PBX1: variants seen among roughly 807,000 people sequenced by gnomAD.
PBX1 encodes the protein pre-B-cell leukemia transcription factor 1.
Under a neutral mutation model 53.4 loss-of-function variants are expected in PBX1, and 6 were observed. The observed-to-expected ratio is 0.11, with a 90% CI of 0.06 to 0.22. PBX1 has a LOEUF of 0.22. Ranked by LOEUF, PBX1 falls within the 10% of genes least tolerant of loss-of-function variation. The probability of loss-of-function intolerance (pLI) is 1.00; values close to 1 mark genes in which losing one functional copy is unlikely to be tolerated. For synonymous variants in PBX1, 204 were observed against 212.3 expected (o/e 0.96, Z 0.34); for missense variants, 251 against 551.4 (o/e 0.46, Z 5.46).
chr1:164,825,506 C>T (rs1670412192), intron 8 of PBX1, among the ~76,000 whole-genome samples: 1 of 152,160 alleles, frequency 6.6e-6, no homozygotes, highest in Non-Finnish European at 1.5e-5. Context: ...CCAATAGCCA[C>T]ATCTAGTGTA....
Position 164,708,221 on chromosome 1 carries a change from G to A in PBX1, c.266-84273G>A, listed in dbSNP as rs560791572. Among the ~76,000 whole-genome samples the A allele has an allele frequency of 1.2e-3, 181 of 152,240 alleles. 1 individual carries two copies. The highest frequency in any genetic ancestry group is 1.9e-3 in the Non-Finnish European group (126 of 68,022). Reference sequence around the variant, plus strand: ...AGGAACCAGAGTTCCTGGACTGCACGCAGCCTTTTCTTTGGTAAGAGAGGT... The same window carrying A: ...AGGAACCAGAGTTCCTGGACTGCACACAGCCTTTTCTTTGGTAAGAGAGGT... On this transcript the variant is annotated intron_variant, in intron 2 of 8. Coordinates refer to ENST00000420696, the MANE Select transcript of PBX1 (RefSeq NM_002585.4).
chr1:164,830,880 T>G (rs1670721570), intron 8 of PBX1, among the ~76,000 whole-genome samples: 1 of 152,140 alleles, frequency 6.6e-6, no homozygotes, highest in Non-Finnish European at 1.5e-5. Flanking sequence ...ACCTATTAAA[T>G]CAGATGCTAC....
intron 2 of PBX1, among the ~76,000 whole-genome samples, chr1:164,881,047 T>C (rs77317741): frequency 0.015 from 2,257 of 152,296 alleles, 62 homozygotes; most frequent in African/African-American, 0.051. Context: ...CCCAGTGCTC[T>C]CTGGCTCTGG....
chr1:164,749,230 A>G (rs1666065460), intron 2 of PBX1, among the ~76,000 whole-genome samples: 1 of 152,230 alleles, frequency 6.6e-6, no homozygotes, highest in Admixed American at 6.5e-5. Context: ...CATATATAAT[A>G]TATTAGCTAG....
At chr1:164,778,904 C>A (rs1302197195) in intron 2 of PBX1, among the ~76,000 whole-genome samples, 1 of 152,024 alleles carries the variant, frequency 6.6e-6, no homozygotes, top group African/African-American at 2.4e-5. Context: ...GGGAGAACAC[C>A]CTGAGTGAAG....
At position 164,772,542 on chromosome 1, in the gene PBX1, C is replaced by T. The variant is rs142221860; in HGVS notation, c.266-19952C>T. 2.3e-3 allele frequency among the ~76,000 whole-genome samples: 351 copies of T among 152,344 alleles called. 1 individual carries two copies. The highest frequency in any genetic ancestry group is 4.1e-3 in the Non-Finnish European group (276 of 68,030). ...CTCCAGTGCAGAGAGTGACTGTTGT[C>T]ACCAGGATCACATATCAATTTGGAA... On this transcript the variant is annotated intron_variant, in intron 2 of 8. Transcript: ENST00000420696.
At chr1:164,614,564 T>G (rs1287105035) in intron 2 of PBX1, among the ~76,000 whole-genome samples, 1 of 152,176 alleles carries the variant, frequency 6.6e-6, no homozygotes, top group Non-Finnish European at 1.5e-5. Flanking sequence ...AATTGATGTT[T>G]GCCACCTGGC....
At chr1:164,721,390 C>T (rs572281195) in intron 2 of PBX1, among the ~76,000 whole-genome samples, 15 of 151,732 alleles carry the variant, frequency 9.9e-5, no homozygotes, top group Non-Finnish European at 2.2e-4. Context: ...TGCTCCAAAT[C>T]TCGGTGACAC....
chr1:164,752,241 TGTGTGC>T (rs1432971870), intron 2 of PBX1, among the ~76,000 whole-genome samples: 2 of 144,562 alleles, frequency 1.4e-5, no homozygotes, highest in African/African-American at 5.1e-5. Context: ...TGTGTGTGTG[TGTGTGC>T]CCTCAGTGCT....
chr1:164,659,495 A>G (rs2101943096), intron 2 of PBX1, among the ~76,000 whole-genome samples: 1 of 152,282 alleles, frequency 6.6e-6, no homozygotes, highest in Middle Eastern at 3.4e-3. Context: ...TGTACATCCA[A>G]AAAATGGTTG....
intron 2 of PBX1, among the ~76,000 whole-genome samples, chr1:164,576,264 A>T (rs1295039860): frequency 6.6e-6 from 1 of 152,088 alleles, no homozygotes; most frequent in Non-Finnish European, 1.5e-5. Flanking sequence ...TTGCTGTAAG[A>T]CGCTGCACAA....
intron 2 of PBX1, among the ~76,000 whole-genome samples, chr1:164,663,252 G>GCCTTCCTGCCTTCCTTCCTTCCTGCCTT (rs1325312831): frequency 1.1e-5 from 1 of 90,286 alleles, no homozygotes; most frequent in South Asian, 3.7e-4. Context: ...CTGCCTTCCT[G>GCCTTCCTGCCTTCCTTCCTTCCTGCCTT]CCTGCCTGCC....
chr1:164,751,255 C>T (rs1211883364), intron 2 of PBX1, among the ~76,000 whole-genome samples: 1 of 145,726 alleles, frequency 6.9e-6, no homozygotes, highest in Non-Finnish European at 1.5e-5. Flanking sequence ...GTGGAGGTGG[C>T]AGTGAGCTGA....
downstream of PBX1, among the ~76,000 whole-genome samples, chr1:164,853,388 A>G (rs936149534): frequency 6.6e-6 from 1 of 152,194 alleles, no homozygotes; most frequent in Non-Finnish European, 1.5e-5. Flanking sequence ...GATAAGGAAG[A>G]GCAAAAGACA....
intron 2 of PBX1, among the ~76,000 whole-genome samples, chr1:164,731,777 G>C (rs1444844566): frequency 6.6e-6 from 1 of 152,076 alleles, no homozygotes; most frequent in Admixed American, 6.5e-5. Flanking sequence ...TAAACTCAAC[G>C]CCAGTCAAAG....
At chr1:164,727,413 T>A (rs1054699765) in intron 2 of PBX1, among the ~76,000 whole-genome samples, 1 of 152,176 alleles carries the variant, frequency 6.6e-6, no homozygotes, top group Non-Finnish European at 1.5e-5. Flanking sequence ...TACAGGAGAT[T>A]TTAACAGTTT....
chr1:164,715,611 A>G (rs1664042058), intron 2 of PBX1, among the ~76,000 whole-genome samples: 10 of 152,200 alleles, frequency 6.6e-5, no homozygotes. Context: ...TACCTGGATC[A>G]TAATAGGTAT....
At chr1:164,620,176 C>A (rs977596031) in intron 2 of PBX1, among the ~76,000 whole-genome samples, 6 of 152,150 alleles carry the variant, frequency 3.9e-5, no homozygotes, top group African/African-American at 1.2e-4. Flanking sequence ...GAGATCCTAT[C>A]AAAAAACCAG....
At chr1:164,671,765 T>A (rs7515566) in intron 2 of PBX1, among the ~76,000 whole-genome samples, 2 of 152,156 alleles carry the variant, frequency 1.3e-5, no homozygotes, top group South Asian at 2.1e-4. Flanking sequence ...ATAGAAAGCC[T>A]CTGCGCCTTT....
Sources: gnomAD v4.1 joint callset for allele counts (sites outside exome capture counted in the v4.1 genomes callset) on GRCh38, gnomAD v4.1.1 for gene constraint, MANE v1.5 for transcripts, NCBI Gene and HGNC (gene_info 2026-07-23, HGNC 2026-07-21) for gene names.